Variants in DNAI7 observed in about 807,000 individuals in gnomAD.
DNAI7 encodes the protein cancer susceptibility 1.
A neutral mutation model predicts 86.6 loss-of-function variants in DNAI7; 78 were observed. The observed-to-expected ratio is 0.90, with a 90% CI of 0.75 to 1.09. The LOEUF is 1.09. Ranked by LOEUF, DNAI7 falls within the 50% of genes least tolerant of loss-of-function variation. DNAI7 has a pLI of 0.00. For synonymous variants in DNAI7, 274 were observed against 273.0 expected, an observed-to-expected ratio of 1.00 and a Z score of -0.04; for missense variants, 753 against 810.2, an observed-to-expected ratio of 0.93 and a Z score of 0.86.
intron 12 of DNAI7, among the ~76,000 whole-genome samples, chr12:25,115,717 A>G (rs1428912867): frequency 6.6e-6 from 1 of 152,254 alleles, no homozygotes; most frequent in Non-Finnish European, 1.5e-5. Context: ...GTGCTGGCAG[A>G]CATGTAAAAT....
At chr12:25,142,691 G>C (rs975780777) in intron 9 of DNAI7, among the ~76,000 whole-genome samples, 2 of 152,118 alleles carry the variant, frequency 1.3e-5, no homozygotes, top group African/African-American at 4.8e-5. Context: ...GTAAAATACT[G>C]ATAGGTTCTT....
At chr12:25,173,879 A>ACACAC (rs1565807118) in intron 2 of DNAI7, among the ~76,000 whole-genome samples, 1 of 146,374 alleles carries the variant, frequency 6.8e-6, no homozygotes, top group African/African-American at 2.5e-5. Context: ...ATATATATAT[A>ACACAC]CACATCATTC....
intron 1 of DNAI7, among the ~76,000 whole-genome samples, chr12:25,192,203 T>G (rs1038760057): frequency 2.0e-5 from 3 of 152,242 alleles, no homozygotes; most frequent in Non-Finnish European, 4.4e-5. Flanking sequence ...ATAGTTAACA[T>G]ACTTCCATCG....
At chr12:25,121,103 G>A (rs1941223227) in intron 11 of DNAI7, among the ~76,000 whole-genome samples, 1 of 152,232 alleles carries the variant, frequency 6.6e-6, no homozygotes, top group Non-Finnish European at 1.5e-5. Flanking sequence ...TTCCAAAACA[G>A]ATTGTTGAGC....
chr12:25,169,797 G>T (rs577483416), intron 2 of DNAI7, among the ~76,000 whole-genome samples: 10 of 140,092 alleles, frequency 7.1e-5, no homozygotes, highest in Non-Finnish European at 1.4e-4. Flanking sequence ...GCAGTGAGCT[G>T]AAATCACACC....
intron 13 of DNAI7, among the ~76,000 whole-genome samples, chr12:25,113,252 C>T (rs1342464380): frequency 1.3e-5 from 2 of 151,052 alleles, no homozygotes; most frequent in Admixed American, 6.6e-5. Flanking sequence ...CACTCCATCT[C>T]CCATCTCACC....
chr12:25,125,658 G>C (rs974402337), intron 9 of DNAI7, among the ~76,000 whole-genome samples: 1 of 152,042 alleles, frequency 6.6e-6, no homozygotes, highest in African/African-American at 2.4e-5. Flanking sequence ...AATTGCGTTT[G>C]GTGCCTTTTT....
In DNAI7 at chr12:25,108,451, G is replaced by A. The variant is rs1237168725; in HGVS notation, c.*97C>T. ...TTAGAAAATTTTTAATAGTTGATTT[G>A]AAATGTATTCATTCACTCATTACAT... On this transcript the variant is annotated 3_prime_UTR_variant, in exon 16 of 16. Coordinates refer to ENST00000395987, the MANE Select transcript of DNAI7 (RefSeq NM_018272.5). 2.0e-6 allele frequency: 2 copies of A among 1,003,268 alleles called. No individual in the cohort carries two copies. The highest frequency in any genetic ancestry group is 2.8e-6 in the Non-Finnish European group (2 of 715,598). The allele number at this position is 1,003,268 out of a possible 1,614,324, so 62.1% of individuals were successfully genotyped here.
At chr12:25,170,161 G>C (rs887466079) in intron 2 of DNAI7, among the ~76,000 whole-genome samples, 3 of 151,652 alleles carry the variant, frequency 2.0e-5, no homozygotes, top group Non-Finnish European at 4.4e-5. Context: ...GAGGCTGAGG[G>C]GGGTGAATCA....
At chr12:25,174,731 T>TATGGAATATAGATATCATAC (rs1948766671) in intron 2 of DNAI7, among the ~76,000 whole-genome samples, 4 of 83,480 alleles carry the variant, frequency 4.8e-5, no homozygotes, top group Non-Finnish European at 9.8e-5. Flanking sequence ...ATATCATATA[T>TATGGAATATAGATATCATAC]ATATGGAATA....
At chr12:25,175,517 T>A (rs1948864011) in intron 2 of DNAI7, among the ~76,000 whole-genome samples, 1 of 151,962 alleles carries the variant, frequency 6.6e-6, no homozygotes, top group African/African-American at 2.4e-5. Flanking sequence ...AGGCTAATTT[T>A]TTGTATTTTT....
intron 2 of DNAI7, among the ~76,000 whole-genome samples, chr12:25,184,771 T>C (rs1416465215): frequency 6.6e-6 from 1 of 152,144 alleles, no homozygotes; most frequent in Non-Finnish European, 1.5e-5. Context: ...TTCCACTGTC[T>C]GGCTTTCATT....
rs191531342 is a variant in DNAI7 at position 25,169,995 on chromosome 12, A to T, written c.22-8798T>A. Among the ~76,000 whole-genome samples the T allele has an allele frequency of 9.0e-4, 137 of 152,324 alleles. 1 individual carries two copies. Among genetic ancestry groups the T allele is most frequent in the African/African-American group, 3.1e-3 (129 of 41,576 alleles). On this transcript the variant is annotated intron_variant, in intron 2 of 15. Transcript: ENST00000395987. The stretch of plus-strand genomic sequence containing the variant: ...GTGGAAAAGCATTTCATGCAAATGG[A>T]TACCAAAAGCGAGCAGGGGTAGCTA...
In DNAI7 at chr12:25,149,671, A is replaced by G; in HGVS notation, c.542T>C (p.Leu181Pro). ...YQESILQLQE[L>P]LHLKFGVATE... Reference sequence around the variant, plus strand: ...GGCTACACCGAATTTAAGATGAAGGAGCTCCTGCAGTTGTAGTATTGATTC... The same window carrying G: ...GGCTACACCGAATTTAAGATGAAGGGGCTCCTGCAGTTGTAGTATTGATTC... Residue 181 changes from leucine to proline, a missense_variant, in exon 7 of 16, where the codon CTC becomes CCC. Coordinates refer to ENST00000395987, the MANE Select transcript of DNAI7 (RefSeq NM_018272.5). 6.2e-7 allele frequency: 1 copy of G among 1,606,322 alleles called. No individual in the cohort carries two copies. Among genetic ancestry groups the G allele is most frequent in the South Asian group, 1.1e-5 (1 of 89,524 alleles).
intron 10 of DNAI7, among the ~76,000 whole-genome samples, chr12:25,122,636 A>T (rs1232099884): frequency 1.3e-5 from 2 of 152,198 alleles, no homozygotes; most frequent in Non-Finnish European, 2.9e-5. Context: ...CAAATTAGAC[A>T]TCGCTATTGC....
At chr12:25,170,313 C>T (rs1592600787) in intron 2 of DNAI7, among the ~76,000 whole-genome samples, 2 of 151,858 alleles carry the variant, frequency 1.3e-5, no homozygotes, top group South Asian at 2.1e-4. Flanking sequence ...ATCACTTGAA[C>T]CCAGGAGGCA....
chr12:25,178,764 C>G (rs1949222975), intron 2 of DNAI7, among the ~76,000 whole-genome samples: 1 of 152,104 alleles, frequency 6.6e-6, no homozygotes, highest in Non-Finnish European at 1.5e-5. Flanking sequence ...ATTCTAAATA[C>G]AGTGGTTTGG....
At chr12:25,125,556 G>T (rs1017738009) in intron 9 of DNAI7, among the ~76,000 whole-genome samples, 3 of 152,142 alleles carry the variant, frequency 2.0e-5, no homozygotes, top group African/African-American at 4.8e-5. Flanking sequence ...CCACCATTCT[G>T]CAGGCTGTTT....
chr12:25,192,067 C>T (rs1037355957), intron 1 of DNAI7, among the ~76,000 whole-genome samples: 2 of 152,158 alleles, frequency 1.3e-5, no homozygotes, highest in African/African-American at 4.8e-5. Flanking sequence ...CTAATTCACT[C>T]GGCAGATATT....
Sources: gnomAD v4.1 joint callset for allele counts (sites outside exome capture counted in the v4.1 genomes callset) on GRCh38, gnomAD v4.1.1 for gene constraint, MANE v1.5 for transcripts, NCBI Gene and HGNC (gene_info 2026-07-23, HGNC 2026-07-21) for gene names.